The following MCF2L2 variants were observed in gnomAD, a reference collection of about 807,000 sequenced individuals.
MCF2L2 encodes probable guanine nucleotide exchange factor MCF2L2.
In MCF2L2, 102 loss-of-function variants were observed where a neutral mutation model predicts 150.2. The ratio of observed to expected loss-of-function variants is 0.68; its 90% CI spans 0.58 to 0.80. MCF2L2 has a LOEUF of 0.80. MCF2L2 is among the 30% of genes least tolerant of loss of function. The pLI, the probability that MCF2L2 is intolerant of heterozygous loss-of-function variation, is 0.00. For missense variants in MCF2L2, 1,256 were observed against 1,372.8 expected (o/e 0.91, Z 1.34); for synonymous variants, 465 against 491.3 (o/e 0.95, Z 0.71).
At chr3:183,298,331 A>G (rs976532724) in intron 11 of MCF2L2, 1 of 152,214 alleles carries the variant, frequency 6.6e-6, no homozygotes, top group African/African-American at 2.4e-5. Flanking sequence ...ATGTGACCTG[A>G]AAAGCAATAT....
chr3:183,363,047 G>A (rs1428410643), intron 3 of MCF2L2, among the ~76,000 whole-genome samples: 1 of 151,962 alleles, frequency 6.6e-6, no homozygotes, highest in Admixed American at 6.6e-5. Flanking sequence ...ATGAAAAGAT[G>A]TTCAACATCA....
At chr3:183,225,359 C>T (rs1723306326) in intron 18 of MCF2L2, 1 of 152,176 alleles carries the variant, frequency 6.6e-6, no homozygotes, top group Non-Finnish European at 1.5e-5. Context: ...AATAATAACT[C>T]AGAGCTTAAC....
At chr3:183,367,779 A>G (rs1712626618) in intron 3 of MCF2L2, among the ~76,000 whole-genome samples, 1 of 152,334 alleles carries the variant, frequency 6.6e-6, no homozygotes, top group South Asian at 2.1e-4. Context: ...AAAAATAACA[A>G]TGTAACTAAC....
rs183162805 is a variant in MCF2L2 at position 183,284,500 on chromosome 3, G to A, written c.1776+4620C>T. Among the ~76,000 whole-genome samples the A allele has an allele frequency of 9.8e-4, 149 of 152,214 alleles. 2 individuals are homozygous for A. The South Asian group carries it at 0.028, about 29-fold the overall frequency. ...GTGGGTCACCTGAGGTCAGGAGTTC[G>A]AGACCAGCCTGGGCAACATGGTGAA... On this transcript the variant is annotated intron_variant, in intron 14 of 29. Transcript: ENST00000328913.
intron 15 of MCF2L2, among the ~76,000 whole-genome samples, chr3:183,254,468 C>G (rs1560371597): frequency 1.3e-5 from 2 of 151,982 alleles, no homozygotes; most frequent in Admixed American, 6.6e-5. Context: ...TGGCCAGCGG[C>G]TGGGACCCAG....
chr3:183,351,389 TG>T (rs1711502767), intron 3 of MCF2L2, among the ~76,000 whole-genome samples: 1 of 151,658 alleles, frequency 6.6e-6, no homozygotes. Context: ...TTGCCTTTTT[TG>T]GTAAGCAAGG....
rs558987541 is a variant in MCF2L2, at chr3:183,179,713, G to A, written c.3106-21C>T. On this transcript the variant is annotated intron_variant, in intron 28 of 29. Transcript: ENST00000328913. This position sits in a 1 kb window ranked among gnomAD's most constrained non-coding sequence, Gnocchi z 4.2. ...GCGAGCTGGAAGGGAGGGGACGGGT[G>A]CACCCTCAGAGTTATTGCTGGAGGC... The A allele has an allele frequency of 1.3e-5, 21 of 1,600,694 alleles. No individual in the cohort carries two copies. Among genetic ancestry groups the A allele is most frequent in the Non-Finnish European group, 1.7e-5 (20 of 1,168,190 alleles).
chr3:183,352,504 TAG>T (rs1252349552), intron 3 of MCF2L2, among the ~76,000 whole-genome samples: 1 of 151,988 alleles, frequency 6.6e-6, no homozygotes, highest in African/African-American at 2.4e-5. Flanking sequence ...GCCTGGGCGA[TAG>T]AGAGAGACTT....
At chr3:183,301,852 C>T (rs1198948155) in intron 10 of MCF2L2, among the ~76,000 whole-genome samples, 4 of 151,774 alleles carry the variant, frequency 2.6e-5, no homozygotes, top group African/African-American at 4.8e-5. Flanking sequence ...AAGAAAGACC[C>T]GATTTTAAGA....
At chr3:183,216,568 ATATATATATATATTTTTTTTTTTTT>A (rs1377406406) in intron 21 of MCF2L2, among the ~76,000 whole-genome samples, 5 of 7,000 alleles carry the variant, frequency 7.1e-4, no homozygotes, top group Admixed American at 2.7e-3. Context: ...ATATATATAT[ATATATATATATATTTTTTTTTTTTT>A]TTTTTTTTTT....
chr3:183,343,112 C>T (rs967761291), intron 3 of MCF2L2, among the ~76,000 whole-genome samples: 3 of 152,078 alleles, frequency 2.0e-5, no homozygotes, highest in Non-Finnish European at 4.4e-5. Flanking sequence ...AATATAGGTT[C>T]AGCTGATGTT....
At chr3:183,364,460 C>A (rs911316119) in intron 3 of MCF2L2, among the ~76,000 whole-genome samples, 1 of 152,008 alleles carries the variant, frequency 6.6e-6, no homozygotes, top group African/African-American at 2.4e-5. Flanking sequence ...GCGGAGCTTG[C>A]AGTGAGCCAA....
chr3:183,294,236 G>C (rs1728329620), intron 13 of MCF2L2, among the ~76,000 whole-genome samples: 1 of 152,130 alleles, frequency 6.6e-6, no homozygotes, highest in Non-Finnish European at 1.5e-5. Context: ...TTAAATCTTT[G>C]CTCAAAGAAC....
At chr3:183,245,816 C>T (rs757397342) in intron 15 of MCF2L2, among the ~76,000 whole-genome samples, 14 of 152,280 alleles carry the variant, frequency 9.2e-5, no homozygotes, top group Admixed American at 3.3e-4. Flanking sequence ...TGAATATGAA[C>T]ACTTCCCTGG....
At chr3:183,337,935 G>A (rs1730552917) in intron 5 of MCF2L2, among the ~76,000 whole-genome samples, 1 of 152,170 alleles carries the variant, frequency 6.6e-6, no homozygotes. Context: ...GTTTGCCAAA[G>A]TTATAGGTAA....
rs557421967 is a variant in MCF2L2 at position 183,228,365 on chromosome 3, T to C, written c.2047A>G (p.Thr683Ala). The C allele has an allele frequency of 1.2e-6, 2 of 1,608,182 alleles. No individual in the cohort carries two copies. Among genetic ancestry groups the C allele is most frequent in the African/African-American group, 2.7e-5 (2 of 74,898 alleles). Residue 683 changes from threonine to alanine, a missense_variant and splice_region_variant, in exon 18 of 30, where the codon ACT becomes GCT. Physicochemically the swap from Thr to Ala is moderately conservative, Grantham distance 58. Coordinates refer to ENST00000328913, the MANE Select transcript of MCF2L2 (RefSeq NM_015078.4). ...IRELYEFHNR[T>A]FLKELEKCAE... ...CACTTTTCCAACTCTTTTAGAAAAGTCCTAGAAAAATAAAAGTATACAAGT... is the reference window on the plus strand; with the variant it reads ...CACTTTTCCAACTCTTTTAGAAAAGCCCTAGAAAAATAAAAGTATACAAGT...
chr3:183,229,766 T>A lies in MCF2L2; in HGVS notation c.1945A>T (p.Met649Leu). 1 of 1,550,490 alleles carries A rather than the reference T, an allele frequency of 6.4e-7. No individual in the cohort carries two copies. The highest frequency in any genetic ancestry group is 8.9e-7 in the Non-Finnish European group (1 of 1,124,276). The part of the protein sequence containing the change: ...KSIIDGYITP[M>L]DFIWLKHLIP... ...AGATGCTTTAGCCAAATAAAATCCA[T>A]TGGAGTGATATATCCCTGCAGAGGT... The change falls in exon 17 of 30, where the codon ATG becomes TTG. Residue 649 changes from methionine (M) to leucine (L), a missense_variant. Transcript: ENST00000328913.
intron 13 of MCF2L2, among the ~76,000 whole-genome samples, chr3:183,292,613 C>A (rs750918273): frequency 2.6e-5 from 4 of 151,464 alleles, no homozygotes; most frequent in Non-Finnish European, 2.9e-5. Flanking sequence ...GTATGTATTT[C>A]TCTTAATTTG....
intron 1 of MCF2L2, among the ~76,000 whole-genome samples, chr3:183,423,913 C>T (rs1453328871): frequency 6.7e-6 from 1 of 150,144 alleles, no homozygotes; most frequent in East Asian, 2.0e-4. Flanking sequence ...TGAGCCACTG[C>T]GCCCGGCGAC....
Sources: allele counts gnomAD v4.1 joint callset (sites outside exome capture counted in the v4.1 genomes callset), GRCh38; gene constraint gnomAD v4.1.1; non-coding constraint Gnocchi (gnomAD v3.1); transcripts MANE v1.5; gene names NCBI Gene and HGNC (gene_info 2026-07-23, HGNC 2026-07-21).